Variants in ULK1 observed in about 807,000 individuals in gnomAD.
ULK1 encodes serine/threonine-protein kinase ULK1.
In ULK1, 48 loss-of-function variants were observed where a neutral mutation model predicts 117.5. That is an observed-to-expected ratio of 0.41 (90% confidence interval 0.32 to 0.52). The LOEUF (loss-of-function observed/expected upper bound fraction) is 0.52, where lower values mean the gene tolerates loss of function less well. Among genes scored for constraint, ULK1 ranks in the 20% least tolerant of loss-of-function variants. ULK1 has a pLI of 0.29. For synonymous variants in ULK1, 790 were observed against 637.8 expected, an observed-to-expected ratio of 1.24 and a Z score of -3.60; for missense variants, 1,387 against 1,473.4, an observed-to-expected ratio of 0.94 and a Z score of 0.96.
At chr12:131,919,795 C>A in intron 25 of ULK1, 184 bp from the exon 26 acceptor site, 1 of 1,048,276 alleles carries the variant, frequency 9.5e-7, no homozygotes, top group Non-Finnish European at 1.4e-6. Flanking sequence ...AGCACAGAGG[C>A]CGTGGGGTCG....
chr12:131,898,692 C>T (rs6598171), intron 3 of ULK1, among the ~76,000 whole-genome samples: 3,888 of 147,938 alleles, frequency 0.026, 142 homozygotes, highest in African/African-American at 0.086. Flanking sequence ...AGTAGAGACA[C>T]GGTTTCACCA....
rs1889168195 is a variant in ULK1, at chr12:131,903,648, GC to G, written c.247-3239del. Among the ~76,000 whole-genome samples the G allele has an allele frequency of 6.6e-6, 1 of 152,180 alleles. No homozygotes were observed. Among genetic ancestry groups the G allele is most frequent in the Admixed American group, 6.5e-5 (1 of 15,282 alleles). On this transcript the variant is annotated intron_variant, in intron 3 of 27. Coordinates refer to ENST00000321867, the MANE Select transcript of ULK1 (RefSeq NM_003565.4). The surrounding 1 kb of genome is among the most constrained non-coding windows in gnomAD (Gnocchi z 6.0). Reference sequence around the variant, plus strand: ...CCCGAATGCCTGTGGTGAGGTGGATGCCCCCACCCTACCCTGCAGCCCCACC... The same window carrying G: ...CCCGAATGCCTGTGGTGAGGTGGATGCCCCACCCTACCCTGCAGCCCCACC...
chr12:131,921,588 G>A lies in ULK1; in HGVS notation c.*227G>A, dbSNP rs1324216660. ...GTGTCTCCCATCTTTTACAGGTGGG[G>A]ATCACAGAATTTCTGCCCCTCCAGC... On this transcript the variant is annotated 3_prime_UTR_variant, in exon 28 of 28. Coordinates refer to ENST00000321867, the MANE Select transcript of ULK1 (RefSeq NM_003565.4). 1.5e-5 allele frequency: 10 copies of A among 672,806 alleles called. No homozygotes were observed. Among genetic ancestry groups the A allele is most frequent in the Non-Finnish European group, 2.5e-5 (10 of 398,136 alleles). The allele number at this position is 672,806 out of a possible 1,614,324, so 41.7% of individuals were successfully genotyped here.
Position 131,915,150 on chromosome 12 carries a change from C to G in ULK1, c.1441C>G (p.Pro481Ala), listed in dbSNP as rs758756669. 2 of 1,606,358 alleles carry G rather than the reference C, an allele frequency of 1.2e-6. No homozygotes were observed. Among genetic ancestry groups the G allele is most frequent in the Non-Finnish European group, 1.7e-6 (2 of 1,176,850 alleles). Reference sequence around the variant, plus strand: ...CTTTGCAAGGGCCAGCCCCTCGCCCCCTGCCCACGCTGAGCATGGAGGCGT... The same window carrying G: ...CTTTGCAAGGGCCAGCCCCTCGCCCGCTGCCCACGCTGAGCATGGAGGCGT... The part of the protein sequence containing the change: ...LGFARASPSP[P>A]AHAEHGGVLA... Residue 481 changes from proline (P) to alanine (A), a missense_variant, in exon 17 of 28, where the codon CCT becomes GCT. This residue lies in a region of ULK1 where 900 missense variants were observed against 858.9 expected (regional missense o/e 1.05). Coordinates refer to ENST00000321867, the MANE Select transcript of ULK1 (RefSeq NM_003565.4).
In ULK1 at chr12:131,913,230, C is replaced by G; in HGVS notation, c.1129C>G (p.Pro377Ala). 1.3e-6 allele frequency: 2 copies of G among 1,591,618 alleles called. No homozygotes were observed. Among genetic ancestry groups the G allele is most frequent in the Non-Finnish European group, 1.7e-6 (2 of 1,171,030 alleles). ...DLVAEAPSAK[P>A]PPDSLMCSGS... ...GGTGGCTGAGGCGCCCAGTGCCAAA[C>G]CCCCGCCAGACAGCCTGATGTGCAG... The change falls in exon 14 of 28, where the codon CCC becomes GCC. Residue 377 changes from proline to alanine, a missense_variant. Pro to Ala is a conservative substitution (Grantham distance 27). Transcript: ENST00000321867.
chr12:131,901,125 G>A (rs111780968), intron 3 of ULK1, among the ~76,000 whole-genome samples: 9 of 151,722 alleles, frequency 5.9e-5, no homozygotes, highest in East Asian at 5.8e-4. Context: ...TTGGGAGGCC[G>A]AGGTGGGCAG....
In ULK1 at chr12:131,916,405, C is replaced by T. The variant is rs1368517654; in HGVS notation, c.1886C>T (p.Pro629Leu). 3 of 1,581,716 alleles carry T rather than the reference C, an allele frequency of 1.9e-6. No homozygotes were observed. Among genetic ancestry groups the T allele is most frequent in the Non-Finnish European group, 2.6e-6 (3 of 1,163,840 alleles). The change falls in exon 20 of 28, where the codon CCC becomes CTC. Residue 629 changes from proline (P) to leucine (L), a missense_variant. Pro to Leu is a moderately conservative substitution (Grantham distance 98). Around this residue, in one of 4 missense-constraint regions of ULK1, gnomAD observed 900 missense variants for 858.9 expected, o/e 1.05. Coordinates refer to ENST00000321867, the MANE Select transcript of ULK1 (RefSeq NM_003565.4). ...PILGSPTKAV[P>L]SFDFPKTPSS... The stretch of plus-strand genomic sequence containing the variant: ...CCATCTCTGTCCTCCTAGGCTGTGC[C>T]CTCCTTTGACTTCCCGAAGACCCCC...
rs779067286 is a variant in ULK1 at position 131,895,848 on chromosome 12, G to A, written c.246+24G>A. 1.9e-6 allele frequency: 3 copies of A among 1,613,712 alleles called. No individual in the cohort carries two copies. In the East Asian group the frequency reaches 6.7e-5, roughly 36 times the overall value. ...AGGTAAGGCCTCTGGGCTGCGGTCT[G>A]CTGGGGACCGGGCTGGGGGACTGTG... On this transcript the variant is annotated intron_variant, in intron 3 of 27. Coordinates refer to ENST00000321867, the MANE Select transcript of ULK1 (RefSeq NM_003565.4).
intron 3 of ULK1, among the ~76,000 whole-genome samples, chr12:131,899,949 C>T (rs1318922870): frequency 6.6e-6 from 1 of 152,058 alleles, no homozygotes; most frequent in Non-Finnish European, 1.5e-5. Context: ...GAAACCTCGC[C>T]TCTATTAAAA....
Position 131,919,300 on chromosome 12 carries a change from C to T in ULK1, c.2600C>T (p.Ala867Val). ...VLEIAALKGS[A>V]SEAAGGPEYQ... Reference sequence around the variant, plus strand: ...GAGATCGCAGCCCTGAAGGGCAGCGCCAGTGAGGCGGCGGGGGGCCCTGAG... The same window carrying T: ...GAGATCGCAGCCCTGAAGGGCAGCGTCAGTGAGGCGGCGGGGGGCCCTGAG... The change falls in exon 24 of 28, where the codon GCC becomes GTC. Residue 867 changes from alanine (A) to valine (V), a missense_variant. Ala to Val is a moderately conservative substitution (Grantham distance 64, BLOSUM62 0). This residue lies in a region of ULK1 where 900 missense variants were observed against 858.9 expected (regional missense o/e 1.05). Transcript: ENST00000321867. 2 of 1,595,034 alleles carry T rather than the reference C, an allele frequency of 1.3e-6. No homozygotes were observed. Among genetic ancestry groups the T allele is most frequent in the Middle Eastern group, 2.0e-4 (1 of 5,060 alleles).
intron 3 of ULK1, chr12:131,896,772 C>G (rs958936050): frequency 6.5e-6 from 1 of 152,944 alleles, no homozygotes; most frequent in Non-Finnish European, 1.5e-5. Flanking sequence ...CCCTCCCTTC[C>G]TCCTCTTTCC....
In ULK1 at chr12:131,917,527, C is replaced by T; in HGVS notation, c.2299C>T (p.Gln767Ter). 1 of 1,449,658 alleles carries T rather than the reference C, an allele frequency of 6.9e-7. No individual in the cohort carries two copies. The highest frequency in any genetic ancestry group is 9.1e-7 in the Non-Finnish European group (1 of 1,097,370). The allele number at this position is 1,449,658 out of a possible 1,614,324, so 89.8% of individuals were successfully genotyped here. The part of the protein sequence containing the change: ...GSPPSGSTPP[Q>*]GPRTRMFSAG... ...TCCCCCGAGCGGGAGCACGCCCCCCCAGGGCCCCCGCACCAGGATGTTCTC... is the reference window on the plus strand; with the variant it reads ...TCCCCCGAGCGGGAGCACGCCCCCCTAGGGCCCCCGCACCAGGATGTTCTC... The change falls in exon 22 of 28, where the codon CAG becomes TAG. Residue 767 changes from glutamine (Q) to a stop codon, truncating the protein, a stop_gained. Coordinates refer to ENST00000321867, the MANE Select transcript of ULK1 (RefSeq NM_003565.4). LOFTEE classifies it high-confidence loss of function.
Position 131,908,888 on chromosome 12 carries a change from T to A in ULK1, c.491-10T>A, listed in dbSNP as rs1232112761. The A allele has an allele frequency of 6.2e-7, 1 of 1,609,830 alleles. No homozygotes were observed. The highest frequency in any genetic ancestry group is 8.5e-7 in the Non-Finnish European group (1 of 1,179,644). ...GGGCCGGCGCCGGTCCTGACGCTTC[T>A]CTCCCGCAGCTGACTTCGGCTTCGC... On this transcript the variant is annotated splice_polypyrimidine_tract_variant and intron_variant, in intron 6 of 27. Coordinates refer to ENST00000321867, the MANE Select transcript of ULK1 (RefSeq NM_003565.4).
chr12:131,908,506 C>T (rs1889375940), intron 5 of ULK1, 138 bp from the exon 6 acceptor site: 1 of 1,112,700 alleles, frequency 9.0e-7, no homozygotes, highest in South Asian at 1.8e-5. Context: ...TTGTGCCCCT[C>T]CTGACCCGGG....
At chr12:131,913,686 CAG>C in intron 14 of ULK1, 59 bp from the exon 15 acceptor site, 1 of 1,265,604 alleles carries the variant, frequency 7.9e-7, no homozygotes, top group Non-Finnish European at 1.1e-6. Flanking sequence ...GCCTGGGTGA[CAG>C]AGTGAGACTG....
intron 26 of ULK1, 102 bp from the exon 27 acceptor site, chr12:131,920,998 G>A (rs111821290): frequency 2.4e-5 from 35 of 1,433,056 alleles, no homozygotes; most frequent in South Asian, 8.3e-5. Context: ...TGCCCTGAGC[G>A]CCTATCTGCC....
At chr12:131,921,051 G>T in intron 26 of ULK1, 49 bp from the exon 27 acceptor site, 1 of 1,533,884 alleles carries the variant, frequency 6.5e-7, no homozygotes, top group South Asian at 1.2e-5. Context: ...CCCTTGCTGG[G>T]AGGGAGTGGG....
chr12:131,901,323 C>T (rs1203160183), intron 3 of ULK1, among the ~76,000 whole-genome samples: 3 of 150,308 alleles, frequency 2.0e-5, no homozygotes, highest in Non-Finnish European at 4.4e-5. Context: ...TGTGCCACTG[C>T]ACTCCAGCCT....
At chr12:131,895,542 G>T (rs911692425) in intron 1 of ULK1, 59 bp from the exon 2 acceptor site, 2 of 1,458,320 alleles carry the variant, frequency 1.4e-6, no homozygotes, top group Non-Finnish European at 9.6e-7. Context: ...GTGGACTGGG[G>T]TCTGGGGGAG....
Sources: gnomAD v4.1 joint callset for allele counts (sites outside exome capture counted in the v4.1 genomes callset) on GRCh38, gnomAD v4.1.1 for gene constraint, gnomAD v4.1.1 regional missense constraint, Gnocchi (gnomAD v3.1) non-coding constraint, MANE v1.5 for transcripts, NCBI Gene and HGNC (gene_info 2026-07-23, HGNC 2026-07-21) for gene names.